Variants in FBLN2 observed in about 807,000 individuals in gnomAD.
The protein encoded by FBLN2 is fibulin 2.
A neutral mutation model predicts 123.7 loss-of-function variants in FBLN2; 81 were observed. The ratio of observed to expected loss-of-function variants is 0.65; its 90% CI spans 0.55 to 0.79. The LOEUF is 0.79. FBLN2 is among the 30% of genes least tolerant of loss of function. The probability of loss-of-function intolerance (pLI) is 0.00; values close to 1 mark genes in which losing one functional copy is unlikely to be tolerated. For synonymous variants in FBLN2, 699 were observed against 701.4 expected (o/e 1.00, Z 0.05); for missense variants, 1,603 against 1,681.3 (o/e 0.95, Z 0.81).
At chr3:13,591,762 G>T (rs1169994613) in intron 2 of FBLN2, among the ~76,000 whole-genome samples, 1 of 152,136 alleles carries the variant, frequency 6.6e-6, no homozygotes, top group African/African-American at 2.4e-5. Flanking sequence ...TCTCTCCCAA[G>T]GTCATAAAGA....
chr3:13,594,559 G>A (rs988582945), intron 2 of FBLN2, among the ~76,000 whole-genome samples: 7 of 152,144 alleles, frequency 4.6e-5, no homozygotes, highest in African/African-American at 1.7e-4. Context: ...TAAACCCTTG[G>A]GCACATCACT....
chr3:13,570,377 G>A lies in FBLN2; in HGVS notation c.22G>A (p.Ala8Thr). The change falls in exon 2 of 18, where the codon GCA becomes ACA. Residue 8 changes from alanine (A) to threonine (T), a missense_variant. Coordinates refer to ENST00000404922, the MANE Select transcript of FBLN2 (RefSeq NM_001004019.2). Reference sequence around the variant, plus strand: ...GACCATGGTGCTGCTCTGGGAGCCTGCAGGAGCCTGGCTTGCTCTGGGCCT... The same window carrying A: ...GACCATGGTGCTGCTCTGGGAGCCTACAGGAGCCTGGCTTGCTCTGGGCCT... Reference protein sequence around the residue: MVLLWEPAGAWLALGLAL... With the variant: MVLLWEPTGAWLALGLAL... 6.4e-7 allele frequency: 1 copy of A among 1,570,376 alleles called. No homozygotes were observed. Among genetic ancestry groups the A allele is most frequent in the Non-Finnish European group, 8.6e-7 (1 of 1,157,642 alleles).
chr3:13,632,260 G>C (rs576058975), intron 16 of FBLN2, among the ~76,000 whole-genome samples: 96 of 152,298 alleles, frequency 6.3e-4, no homozygotes, highest in Non-Finnish European at 5.9e-4. Flanking sequence ...TTGGCCTCTC[G>C]CTCCCTCGGC....
intron 1 of FBLN2, 89 bp downstream of exon 1, chr3:13,549,297 C>T (rs1207302165): frequency 2.2e-5 from 19 of 861,076 alleles, no homozygotes; most frequent in Non-Finnish European, 2.5e-5. Context: ...GACGCACCGA[C>T]GGCTCGGCGG....
At chr3:13,624,842 G>A (rs929723421) in intron 9 of FBLN2, among the ~76,000 whole-genome samples, 11 of 152,276 alleles carry the variant, frequency 7.2e-5, no homozygotes, top group African/African-American at 2.2e-4. Context: ...GCACCTGACC[G>A]CCGCCACAAG....
At chr3:13,609,684 C>CGGGGTGGGGG in intron 4 of FBLN2, 42 bp downstream of exon 4, 2 of 196,566 alleles carry the variant, frequency 1.0e-5, no homozygotes, top group Non-Finnish European at 1.9e-5. Context: ...TGGGGTGGGG[C>CGGGGTGGGGG]GGGGCGGGAG....
intron 2 of FBLN2, among the ~76,000 whole-genome samples, chr3:13,607,703 T>C (rs1705253429): frequency 6.6e-6 from 1 of 152,118 alleles, no homozygotes; most frequent in African/African-American, 2.4e-5. Context: ...CAGGAGAAAC[T>C]CTGAGGAGTG....
chr3:13,552,795 A>G (rs553046938), intron 1 of FBLN2, among the ~76,000 whole-genome samples: 16 of 152,188 alleles, frequency 1.1e-4, no homozygotes, highest in African/African-American at 3.9e-4. Context: ...ACCCTTTGCC[A>G]GGGAGTGTGC....
At chr3:13,619,882 G>A in intron 8 of FBLN2, 51 bp downstream of exon 8, 2 of 1,448,152 alleles carry the variant, frequency 1.4e-6, no homozygotes, top group East Asian at 2.4e-5. Context: ...GTTGGCCTGT[G>A]ATGGGGGCCT....
At chr3:13,553,477 C>T (rs1265072564) in intron 1 of FBLN2, among the ~76,000 whole-genome samples, 4 of 152,172 alleles carry the variant, frequency 2.6e-5, no homozygotes, top group Admixed American at 6.5e-5. Flanking sequence ...TGGCGAGCTG[C>T]CCTCGTGTAC....
intron 4 of FBLN2, 58 bp downstream of exon 4, chr3:13,609,700 C>A: frequency 2.0e-6 from 3 of 1,529,824 alleles, no homozygotes; most frequent in Non-Finnish European, 2.6e-6. Flanking sequence ...GGGAGGCTGG[C>A]CTGGGCCTGA....
chr3:13,623,335 T>A (rs1200813093), intron 9 of FBLN2, among the ~76,000 whole-genome samples: 1 of 152,108 alleles, frequency 6.6e-6, no homozygotes, highest in Non-Finnish European at 1.5e-5. Context: ...AGATAAAACA[T>A]ACTAAAAGGG....
At chr3:13,565,503 G>A (rs1311232727) in intron 1 of FBLN2, among the ~76,000 whole-genome samples, 1 of 152,262 alleles carries the variant, frequency 6.6e-6, no homozygotes, top group Admixed American at 6.5e-5. Context: ...GCTCACGCTT[G>A]TGATCCCAGC....
intron 2 of FBLN2, among the ~76,000 whole-genome samples, chr3:13,575,170 C>T (rs1007471483): frequency 3.9e-5 from 6 of 152,146 alleles, no homozygotes; most frequent in Non-Finnish European, 7.3e-5. Context: ...CTCAAAGCAG[C>T]CCCATGATGC....
chr3:13,606,658 AT>A (rs58421710), intron 2 of FBLN2, among the ~76,000 whole-genome samples: 52,778 of 150,688 alleles, frequency 0.35, 9,288 homozygotes, highest in African/African-American at 0.39. Flanking sequence ...TATATACTGT[AT>A]TTTTTTTTTG....
chr3:13,633,307 C>A (rs183842792), intron 16 of FBLN2, among the ~76,000 whole-genome samples: 7 of 152,394 alleles, frequency 4.6e-5, no homozygotes, highest in Non-Finnish European at 8.8e-5. Context: ...TCTGCCCCGA[C>A]GACTTGCTCT....
At chr3:13,625,168 G>T (rs775383141) in intron 9 of FBLN2, among the ~76,000 whole-genome samples, 66 of 151,258 alleles carry the variant, frequency 4.4e-4, no homozygotes, top group Middle Eastern at 6.9e-3. Context: ...TGGCCCTGGG[G>T]CAGTTTCTGA....
intron 1 of FBLN2, among the ~76,000 whole-genome samples, chr3:13,569,669 G>A (rs1703859701): frequency 6.6e-6 from 1 of 152,060 alleles, no homozygotes; most frequent in South Asian, 2.1e-4. Flanking sequence ...GGGTCTCAGA[G>A]GTGTGTTCCT....
chr3:13,570,993 G>T lies in FBLN2; in HGVS notation c.638G>T (p.Gly213Val). 6.2e-7 allele frequency: 1 copy of T among 1,607,030 alleles called. No homozygotes were observed. Among genetic ancestry groups the T allele is most frequent in the Non-Finnish European group, 8.5e-7 (1 of 1,177,094 alleles). Reference sequence around the variant, plus strand: ...GAGGTGGAAGCAGCAACAGCCCTGGGGGGTGAGGTCCAGGCGGGTGCAGTC... The same window carrying T: ...GAGGTGGAAGCAGCAACAGCCCTGGTGGGTGAGGTCCAGGCGGGTGCAGTC... ...VAEVEAATAL[G>V]GEVQAGAVQA... The change falls in exon 2 of 18, where the codon GGG becomes GTG. Residue 213 changes from glycine (G) to valine (V), a missense_variant. Physicochemically the swap from Gly to Val is moderately radical, Grantham distance 109. Coordinates refer to ENST00000404922, the MANE Select transcript of FBLN2 (RefSeq NM_001004019.2).
Sources: gnomAD v4.1 joint callset for allele counts (sites outside exome capture counted in the v4.1 genomes callset) on GRCh38, gnomAD v4.1.1 for gene constraint, MANE v1.5 for transcripts, NCBI Gene and HGNC (gene_info 2026-07-23, HGNC 2026-07-21) for gene names.